RANBP2: variants seen among roughly 807,000 people sequenced by gnomAD.
RANBP2 encodes the protein RAN binding protein 2.
Under a neutral mutation model 303.6 loss-of-function variants are expected in RANBP2, and 57 were observed. That is an observed-to-expected ratio of 0.19 (90% CI 0.15 to 0.23). RANBP2 has a LOEUF of 0.23. Ranked by LOEUF, RANBP2 falls within the 10% of genes least tolerant of loss-of-function variation. The pLI is 1.00. For synonymous variants in RANBP2, 1,167 were observed against 1,301.5 expected (o/e 0.90, Z 2.23); for missense variants, 3,138 against 3,780.8 (o/e 0.83, Z 4.46).
the RANBP2 span, among the ~76,000 whole-genome samples, chr2:109,572,935 A>G: frequency 6.6e-6 from 1 of 152,208 alleles, no homozygotes; most frequent in Non-Finnish European, 1.5e-5. Flanking sequence ...CTTATGTAAA[A>G]TAAGAGGCAG....
the RANBP2 span, among the ~76,000 whole-genome samples, chr2:109,191,647 T>C: frequency 6.6e-6 from 1 of 152,122 alleles, no homozygotes; most frequent in Non-Finnish European, 1.5e-5. Context: ...GTCCCAATAA[T>C]TGGAGCCACT....
At chr2:109,370,697 T>A in the RANBP2 span, among the ~76,000 whole-genome samples, 8 of 152,262 alleles carry the variant, frequency 5.3e-5, no homozygotes, top group South Asian at 1.7e-3. Context: ...TGTGACAGTG[T>A]CCTATTTCCT....
chr2:109,291,772 CCA>C, the RANBP2 span, among the ~76,000 whole-genome samples: 1 of 152,218 alleles, frequency 6.6e-6, no homozygotes, highest in African/African-American at 2.4e-5. Context: ...GGTAAGGTCT[CCA>C]GTTTCAGGTG....
At chr2:109,703,388 G>A in the RANBP2 span, among the ~76,000 whole-genome samples, 4 of 152,214 alleles carry the variant, frequency 2.6e-5, no homozygotes, top group African/African-American at 9.6e-5. Context: ...CATTCACTCA[G>A]ACACTGCATA....
chr2:109,704,793 G>A, the RANBP2 span, among the ~76,000 whole-genome samples: 1 of 152,162 alleles, frequency 6.6e-6, no homozygotes, highest in South Asian at 2.1e-4. Context: ...GGAGGTTGCA[G>A]TGGGCCGAGA....
chr2:108,932,519 ACT>A, the RANBP2 span, among the ~76,000 whole-genome samples: 1 of 132,742 alleles, frequency 7.5e-6, no homozygotes, highest in Admixed American at 8.1e-5. Context: ...ACAGAGTGAG[ACT>A]CTGTCTCAAA....
the RANBP2 span, among the ~76,000 whole-genome samples, chr2:109,771,525 T>C: frequency 2.5e-4 from 19 of 75,430 alleles, 3 homozygotes; most frequent in Non-Finnish European, 7.0e-5. Context: ...GTTCCTTTCA[T>C]TGAAGGTAGT....
At chr2:109,047,482 T>C in the RANBP2 span, among the ~76,000 whole-genome samples, 1,117 of 152,178 alleles carry the variant, frequency 7.3e-3, 7 homozygotes, top group East Asian at 0.034. Context: ...GCAGAGAAAC[T>C]GAGGGCTCAA....
At chr2:108,947,466 T>A in the RANBP2 span, among the ~76,000 whole-genome samples, 6 of 152,212 alleles carry the variant, frequency 3.9e-5, no homozygotes, top group Admixed American at 2.0e-4. Flanking sequence ...ATTGCCTTGG[T>A]AGAGGTTCTC....
At chr2:109,647,060 A>G in the RANBP2 span, among the ~76,000 whole-genome samples, 1 of 150,718 alleles carries the variant, frequency 6.6e-6, no homozygotes, top group Non-Finnish European at 1.5e-5. Flanking sequence ...CCTTTGTCTG[A>G]TCCACAGGGC....
At chr2:109,545,270 C>A in the RANBP2 span, 483 of 1,401,616 alleles carry the variant, frequency 3.4e-4, no homozygotes, top group Non-Finnish European at 4.3e-4. Context: ...GTTAAACCGA[C>A]AGGGATACTT....
At chr2:109,101,000 G>A in the RANBP2 span, among the ~76,000 whole-genome samples, 3 of 152,156 alleles carry the variant, frequency 2.0e-5, no homozygotes, top group Non-Finnish European at 4.4e-5. Flanking sequence ...GAGGAAGTGA[G>A]GAGTGGCGGG....
the RANBP2 span, chr2:108,929,108 A>G: frequency 3.4e-6 from 5 of 1,476,190 alleles, no homozygotes; most frequent in Non-Finnish European, 4.7e-6. Flanking sequence ...TGCAGTATCC[A>G]TGACCCCTGT....
chr2:109,087,474 G>A, the RANBP2 span, among the ~76,000 whole-genome samples: 1 of 152,170 alleles, frequency 6.6e-6, no homozygotes, highest in Non-Finnish European at 1.5e-5. Flanking sequence ...CTAACTCTGA[G>A]CGCAGGGCTC....
At chr2:109,697,287 C>T in the RANBP2 span, among the ~76,000 whole-genome samples, 2 of 152,074 alleles carry the variant, frequency 1.3e-5, no homozygotes, top group African/African-American at 2.4e-5. Flanking sequence ...GTTGGGAGTT[C>T]GAGACCAGCC....
the RANBP2 span, among the ~76,000 whole-genome samples, chr2:109,384,800 C>T: frequency 3.9e-5 from 6 of 152,264 alleles, no homozygotes; most frequent in South Asian, 4.1e-4. Context: ...GGTCTTGGGC[C>T]CCTGGGGATG....
chr2:108,867,803 A>G, the RANBP2 span, among the ~76,000 whole-genome samples: 1 of 152,192 alleles, frequency 6.6e-6, no homozygotes, highest in Non-Finnish European at 1.5e-5. Context: ...TTGCTGTGTT[A>G]TGTTCCAGCC....
chr2:108,965,889 C>T, the RANBP2 span, among the ~76,000 whole-genome samples: 2 of 152,026 alleles, frequency 1.3e-5, no homozygotes, highest in African/African-American at 2.4e-5. Flanking sequence ...CCCTCTCCCC[C>T]CAGGCAAAGA....
chr2:109,105,448 C>T, the RANBP2 span, among the ~76,000 whole-genome samples: 1 of 152,218 alleles, frequency 6.6e-6, no homozygotes, highest in Non-Finnish European at 1.5e-5. Flanking sequence ...ATGTAGACAA[C>T]CCCAAGTTGA....
Sources: gnomAD v4.1 joint callset for allele counts (sites outside exome capture counted in the v4.1 genomes callset) on GRCh38, gnomAD v4.1.1 for gene constraint, MANE v1.5 for transcripts, NCBI Gene and HGNC (gene_info 2026-07-23, HGNC 2026-07-21) for gene names.